The following PPP1R12A variants were observed in gnomAD, a reference collection of about 807,000 sequenced individuals.
PPP1R12A encodes the protein protein phosphatase 1 regulatory subunit 12A.
PPP1R12A carries 19 observed loss-of-function variants against 139.6 expected under a neutral mutation model. The observed-to-expected ratio is 0.14, with a 90% CI of 0.09 to 0.20. PPP1R12A has a LOEUF of 0.20. Ranked by LOEUF, PPP1R12A falls within the 10% of genes least tolerant of loss-of-function variation. The pLI is 1.00. For missense variants in PPP1R12A, 925 were observed against 1,211.5 expected, an observed-to-expected ratio of 0.76 and a Z score of 3.51; for synonymous variants, 427 against 420.6, an observed-to-expected ratio of 1.02 and a Z score of -0.19.
chr12:79,800,760 G>C (rs1429517057), intron 14 of PPP1R12A, among the ~76,000 whole-genome samples: 1 of 146,010 alleles, frequency 6.8e-6, no homozygotes, highest in Non-Finnish European at 1.5e-5. Flanking sequence ...TTGAAACGGA[G>C]TCTCGCTCTG....
chr12:79,934,615 T>G, intron 1 of PPP1R12A, 80 bp downstream of exon 1: 2 of 1,256,798 alleles, frequency 1.6e-6, no homozygotes, highest in Non-Finnish European at 2.1e-6. Context: ...CCTCAAGAGG[T>G]GGAGAACTGA....
intron 1 of PPP1R12A, among the ~76,000 whole-genome samples, chr12:79,878,819 TCC>T (rs1175428246): frequency 6.6e-6 from 1 of 152,016 alleles, no homozygotes; most frequent in African/African-American, 2.4e-5. Flanking sequence ...TCCCACTGGG[TCC>T]CTCCCACAAC....
intron 1 of PPP1R12A, among the ~76,000 whole-genome samples, chr12:79,920,689 G>T (rs1253391721): frequency 6.6e-6 from 1 of 152,138 alleles, no homozygotes; most frequent in African/African-American, 2.4e-5. Flanking sequence ...AGTGGAACTT[G>T]TGGCTTTCTA....
intron 12 of PPP1R12A, among the ~76,000 whole-genome samples, 189 bp from the exon 13 acceptor site, chr12:79,806,522 G>A (rs548975589): frequency 1.3e-5 from 2 of 152,126 alleles, no homozygotes; most frequent in Admixed American, 6.6e-5. Flanking sequence ...ACTTAATTCG[G>A]TAGTGTATCA....
chr12:79,917,639 T>C (rs1887108350), intron 1 of PPP1R12A, among the ~76,000 whole-genome samples: 1 of 151,882 alleles, frequency 6.6e-6, no homozygotes. Context: ...TTTAAAAATA[T>C]TAAAACATGC....
intron 23 of PPP1R12A, chr12:79,780,058 G>T (rs1305371338): frequency 6.6e-6 from 1 of 152,312 alleles, no homozygotes; most frequent in Admixed American, 6.5e-5. Context: ...TAAAAAAATA[G>T]TTGGGTGTGG....
rs1047250211 is a variant in PPP1R12A at position 79,927,015 on chromosome 12, G to A, written c.237+7680C>T. Among the ~76,000 whole-genome samples, 4 of 134,242 alleles carry A rather than the reference G, an allele frequency of 3.0e-5. No homozygotes were observed. In the East Asian group the frequency reaches 6.4e-4, roughly 22 times the overall value. The allele number at this position is 134,242 out of a possible 152,430, so 88.1% of individuals were successfully genotyped here. A position where few individuals can be genotyped will look rare whatever the true frequency, so the allele number is the denominator to read the frequency against. The stretch of plus-strand genomic sequence containing the variant: ...AGTTTGAGACTAGCTTGGGCAACAC[G>A]GGGAGACTCTGTCAAAGAAAAAAAA... On this transcript the variant is annotated intron_variant, in intron 1 of 24. Coordinates refer to ENST00000450142, the MANE Select transcript of PPP1R12A (RefSeq NM_002480.3).
intron 3 of PPP1R12A, among the ~76,000 whole-genome samples, chr12:79,844,334 T>C (rs1324095169): frequency 1.3e-5 from 2 of 152,192 alleles, no homozygotes; most frequent in African/African-American, 4.8e-5. Flanking sequence ...GAAGCCCTAA[T>C]ATTTCCCTAT....
intron 1 of PPP1R12A, among the ~76,000 whole-genome samples, chr12:79,906,537 C>G (rs901168857): frequency 4.0e-5 from 6 of 151,890 alleles, no homozygotes; most frequent in African/African-American, 1.5e-4. Flanking sequence ...TAGCCAATAT[C>G]AGGAAAAAAA....
In PPP1R12A at chr12:79,777,533, C is replaced by T. The variant is rs765375318; in HGVS notation, c.3006+1017G>A. ...AAACTAAAAATTATAGGTTCACAGACTGCAGTTGCCTATAGAACCCTGAGC... is the reference window on the plus strand; with the variant it reads ...AAACTAAAAATTATAGGTTCACAGATTGCAGTTGCCTATAGAACCCTGAGC... On this transcript the variant is annotated intron_variant, in intron 24 of 24. Transcript: ENST00000450142. 1.0e-3 allele frequency: 1,000 copies of T among 985,308 alleles called. 1 individual carries two copies. The highest frequency in any genetic ancestry group is 1.0e-3 in the Non-Finnish European group (834 of 829,892). 61.0% of individuals were successfully genotyped at this position (985,308 alleles called of 1,614,324 possible).
At chr12:79,785,551 T>G (rs1308117402) in intron 22 of PPP1R12A, among the ~76,000 whole-genome samples, 1 of 152,176 alleles carries the variant, frequency 6.6e-6, no homozygotes. Context: ...TTTAGATCCA[T>G]GCTTTCAGCT....
At chr12:79,899,628 A>C (rs1161443112) in intron 1 of PPP1R12A, among the ~76,000 whole-genome samples, 1 of 152,232 alleles carries the variant, frequency 6.6e-6, no homozygotes, top group East Asian at 1.9e-4. Flanking sequence ...CATCCACTCC[A>C]CCACTGATAA....
chr12:79,906,919 T>G (rs867649526), intron 1 of PPP1R12A, among the ~76,000 whole-genome samples: 65 of 152,312 alleles, frequency 4.3e-4, no homozygotes, highest in African/African-American at 1.5e-3. Flanking sequence ...GCAGGCAAAT[T>G]ACAGTGCTAG....
Position 79,815,875 on chromosome 12 carries a change from A to G in PPP1R12A, c.1239+1519T>C, listed in dbSNP as rs556781770. On this transcript the variant is annotated intron_variant, in intron 9 of 24. Transcript: ENST00000450142. ...AAGATAAGTCATTCATAGTTTCTCA[A>G]TATTCAAACTATGTACCAATGAAAC... 4.2e-4 allele frequency among the ~76,000 whole-genome samples: 64 copies of G among 152,346 alleles called. 1 individual carries two copies. The highest frequency in any genetic ancestry group is 1.5e-3 in the African/African-American group (61 of 41,592).
intron 22 of PPP1R12A, among the ~76,000 whole-genome samples, chr12:79,784,021 G>C (rs1870798959): frequency 6.6e-6 from 1 of 152,120 alleles, no homozygotes; most frequent in Admixed American, 6.5e-5. Context: ...GGATTCCAGA[G>C]TCTCTTGGCT....
At chr12:79,797,437 A>C in intron 15 of PPP1R12A, 42 bp from the exon 16 acceptor site, 1 of 1,483,568 alleles carries the variant, frequency 6.7e-7, no homozygotes, top group Non-Finnish European at 9.0e-7. Flanking sequence ...AGATGCATTA[A>C]AGCTTGTTTC....
intron 3 of PPP1R12A, among the ~76,000 whole-genome samples, chr12:79,843,066 G>A (rs1878933878): frequency 6.6e-6 from 1 of 151,762 alleles, no homozygotes; most frequent in South Asian, 2.1e-4. Context: ...TTTGATCACT[G>A]GCTTATGTCA....
chr12:79,831,243 A>G (rs1877383524), intron 4 of PPP1R12A, among the ~76,000 whole-genome samples: 2 of 152,278 alleles, frequency 1.3e-5, no homozygotes, highest in South Asian at 4.1e-4. Flanking sequence ...ACACTGCCAT[A>G]CTATTCTTAG....
rs181215629 is a variant in PPP1R12A, at chr12:79,928,074, A to T, written c.237+6621T>A. Among the ~76,000 whole-genome samples, 823 of 152,344 alleles carry T rather than the reference A, an allele frequency of 5.4e-3. 5 individuals are homozygous for T. Among genetic ancestry groups the T allele is most frequent in the African/African-American group, 0.019 (780 of 41,580 alleles). On this transcript the variant is annotated intron_variant, in intron 1 of 24. Transcript: ENST00000450142. Reference sequence around the variant, plus strand: ...AAAGGTTTTTAAATAGTTTTCTTTTAAAAATCATCTAATAAGATTTTTAAA... The same window carrying T: ...AAAGGTTTTTAAATAGTTTTCTTTTTAAAATCATCTAATAAGATTTTTAAA...
Sources: gnomAD v4.1 joint callset for allele counts (sites outside exome capture counted in the v4.1 genomes callset) on GRCh38, gnomAD v4.1.1 for gene constraint, MANE v1.5 for transcripts, NCBI Gene and HGNC (gene_info 2026-07-23, HGNC 2026-07-21) for gene names.